TJP1: variants seen among roughly 807,000 people sequenced by gnomAD.
TJP1 encodes tight junction protein 1, also known as tight junction protein ZO-1.
In TJP1, 43 loss-of-function variants were observed where a neutral mutation model predicts 194.2. The ratio of observed to expected loss-of-function variants is 0.22; its 90% CI spans 0.17 to 0.29. The LOEUF (loss-of-function observed/expected upper bound fraction) is 0.29, where lower values mean the gene tolerates loss of function less well. Among genes scored for constraint, TJP1 ranks in the 10% least tolerant of loss-of-function variants. The probability of loss-of-function intolerance (pLI) is 1.00; values close to 1 mark genes in which losing one functional copy is unlikely to be tolerated. For missense variants in TJP1, 1,971 were observed against 2,185.7 expected, an observed-to-expected ratio of 0.90 and a Z score of 1.96; for synonymous variants, 801 against 779.0, an observed-to-expected ratio of 1.03 and a Z score of -0.47.
At position 29,716,765 on chromosome 15, in the gene TJP1, C is replaced by G. The variant is rs2042591248; in HGVS notation, c.4048G>C (p.Glu1350Gln). 2 of 1,614,000 alleles carry G rather than the reference C, an allele frequency of 1.2e-6. No homozygotes were observed. The highest frequency in any genetic ancestry group is 1.7e-5 in the Admixed American group (1 of 59,992). The change falls in exon 23 of 28, where the codon GAA (glutamate) becomes CAA (glutamine). Residue 1350 changes from glutamate to glutamine, a missense_variant. Around this residue, in one of 5 missense-constraint regions of TJP1, gnomAD observed 1,108 missense variants for 1,128.5 expected, o/e 0.98. Coordinates refer to ENST00000614355, the MANE Select transcript of TJP1 (RefSeq NM_001330239.4). The part of the protein sequence containing the change: ...IVRSNHYDPE[E>Q]DEEYYRKQLS... ...TGTTTTCGATAATATTCTTCATCTT[C>G]TTCAGGGTCATAATGATTGGACCGA...
intron 10 of TJP1, among the ~76,000 whole-genome samples, chr15:29,739,854 T>C (rs1475770354): frequency 2.6e-5 from 4 of 152,206 alleles, no homozygotes. Flanking sequence ...CTGCACAATT[T>C]ATAAAAGGTT....
intron 2 of TJP1, among the ~76,000 whole-genome samples, chr15:29,780,176 T>C (rs2047273510): frequency 6.6e-6 from 1 of 152,140 alleles, no homozygotes; most frequent in African/African-American, 2.4e-5. Context: ...ATTACATTTA[T>C]TGTGTACTTT....
intron 8 of TJP1, among the ~76,000 whole-genome samples, chr15:29,743,940 G>C (rs539481695): frequency 4.6e-5 from 7 of 152,302 alleles, no homozygotes; most frequent in African/African-American, 1.7e-4. Flanking sequence ...CAGCATTTTG[G>C]GAGGCAGAGG....
At chr15:29,928,068 A>G (rs1004706319) in intron 2 of TJP1, among the ~76,000 whole-genome samples, 1 of 152,282 alleles carries the variant, frequency 6.6e-6, no homozygotes, top group Non-Finnish European at 1.5e-5. Flanking sequence ...ATCTTTAGAT[A>G]ACTCAATCAA....
intron 2 of TJP1, among the ~76,000 whole-genome samples, chr15:29,863,247 G>A (rs1344653831): frequency 6.6e-6 from 1 of 151,996 alleles, no homozygotes. Flanking sequence ...AGTGAGCCCA[G>A]ACCGTGCCGC....
rs2042830703 is a variant in TJP1 at position 29,720,000 on chromosome 15, G to A, written c.2780C>T (p.Ser927Phe). The A allele has an allele frequency of 1.2e-6, 2 of 1,608,672 alleles. No individual in the cohort carries two copies. Among genetic ancestry groups the A allele is most frequent in the Non-Finnish European group, 1.7e-6 (2 of 1,178,404 alleles). ...TTCAGGCGAAAGGTAAGGGACTGGA[G>A]ATGAAGCTTCTGCTTTCTGTGAAGT... ...PASQQKAEAS[S>F]PVPYLSPETN... Residue 927 changes from serine to phenylalanine, a missense_variant, in exon 20 of 28, where the codon TCT becomes TTT. Ser to Phe is a radical substitution (Grantham distance 155, BLOSUM62 -2). This residue lies in a region of TJP1 where 1,108 missense variants were observed against 1,128.5 expected (regional missense o/e 0.98). Transcript: ENST00000614355.
chr15:29,712,445 G>C (rs533238969), intron 23 of TJP1, among the ~76,000 whole-genome samples: 1 of 152,254 alleles, frequency 6.6e-6, no homozygotes, highest in African/African-American at 2.4e-5. Context: ...ATAGAAAAAT[G>C]AAAGAAAATG....
chr15:29,730,656 A>G (rs1277865156), intron 15 of TJP1: 1 of 707,078 alleles, frequency 1.4e-6, no homozygotes, highest in Non-Finnish European at 2.6e-6. Flanking sequence ...GACCGACCAA[A>G]GCCCGCGTGC....
rs748381329 is a variant in TJP1, at chr15:29,956,395, C to A, written c.174-31G>T. 3.1e-6 allele frequency: 4 copies of A among 1,275,214 alleles called. No homozygotes were observed. The South Asian group carries it at 5.1e-5, about 16-fold the overall frequency. 79.0% of individuals were successfully genotyped at this position (1,275,214 alleles called of 1,614,324 possible). On this transcript the variant is annotated intron_variant, in intron 1 of 28. Transcript: ENST00000356107. ...AGAAAGAAAAAAATTCTTAAAAAGG[C>A]AGGTTTACAGGTGAACACATTTCTC...
chr15:29,755,860 C>T (rs1445833420), intron 8 of TJP1, among the ~76,000 whole-genome samples: 2 of 152,036 alleles, frequency 1.3e-5, no homozygotes, highest in Non-Finnish European at 2.9e-5. Flanking sequence ...TCAATTTCAT[C>T]CTGTTAGTCT....
At chr15:29,853,321 A>ATTCTTC (rs2051718395) in intron 2 of TJP1, among the ~76,000 whole-genome samples, 1 of 152,176 alleles carries the variant, frequency 6.6e-6, no homozygotes, top group Non-Finnish European at 1.5e-5. Context: ...GGTGTTGGAA[A>ATTCTTC]CGTTCCATAT....
At chr15:29,753,982 C>CT (rs757904187) in intron 8 of TJP1, among the ~76,000 whole-genome samples, 1 of 152,142 alleles carries the variant, frequency 6.6e-6, no homozygotes, top group Non-Finnish European at 1.5e-5. Flanking sequence ...AGACAAAAGA[C>CT]TAACACCAAT....
At chr15:29,775,383 T>TA (rs141080996) in intron 2 of TJP1, among the ~76,000 whole-genome samples, 11 of 151,332 alleles carry the variant, frequency 7.3e-5, no homozygotes, top group African/African-American at 2.7e-4. Context: ...AGGAATCTTC[T>TA]ATTAGTGAAA....
intron 2 of TJP1, among the ~76,000 whole-genome samples, chr15:29,887,977 C>T (rs954079725): frequency 1.3e-5 from 2 of 152,014 alleles, no homozygotes; most frequent in South Asian, 2.1e-4. Context: ...AAACAATCCA[C>T]ATATAATAAA....
intron 2 of TJP1, among the ~76,000 whole-genome samples, chr15:29,935,069 T>C (rs1364193058): frequency 6.6e-6 from 1 of 152,196 alleles, no homozygotes; most frequent in Non-Finnish European, 1.5e-5. Flanking sequence ...AATTACTACA[T>C]TCACATTATT....
In TJP1 at chr15:29,822,181, G is replaced by T; in HGVS notation, c.-153C>A. 1 of 1,181,372 alleles carries T rather than the reference G, an allele frequency of 8.5e-7. No homozygotes were observed. The highest frequency in any genetic ancestry group is 1.0e-6 in the Non-Finnish European group (1 of 954,882). 73.2% of individuals were successfully genotyped at this position (1,181,372 alleles called of 1,614,324 possible). On this transcript the variant is annotated 5_prime_UTR_variant, in exon 1 of 28. Coordinates refer to ENST00000614355, the MANE Select transcript of TJP1 (RefSeq NM_001330239.4). The stretch of plus-strand genomic sequence containing the variant: ...CCGGAAGGGCCCGGCCCAGGGGGAG[G>T]GAATTCAACTCGGACAAAAGTCCGG...
At chr15:29,847,960 T>C (rs2051481662) in intron 2 of TJP1, among the ~76,000 whole-genome samples, 1 of 152,202 alleles carries the variant, frequency 6.6e-6, no homozygotes. Context: ...AACTTTCTCT[T>C]TGACCCATTG....
chr15:29,955,669 T>G (rs2055906351), intron 2 of TJP1, among the ~76,000 whole-genome samples: 1 of 143,266 alleles, frequency 7.0e-6, no homozygotes, highest in East Asian at 2.0e-4. Flanking sequence ...GAGGATCACA[T>G]GAGCCCAGGT....
intron 2 of TJP1, among the ~76,000 whole-genome samples, chr15:29,774,962 T>C (rs558270151): frequency 6.6e-6 from 1 of 151,908 alleles, no homozygotes; most frequent in Non-Finnish European, 1.5e-5. Context: ...TCAGGTCAAC[T>C]GCAGTGTGAA....
Sources: allele counts gnomAD v4.1 joint callset (sites outside exome capture counted in the v4.1 genomes callset), GRCh38; gene constraint gnomAD v4.1.1; regional missense constraint gnomAD v4.1.1; transcripts MANE v1.5; gene names NCBI Gene and HGNC (gene_info 2026-07-23, HGNC 2026-07-21).